Variants in DHRSX observed in about 807,000 individuals in gnomAD.
DHRSX encodes polyprenol dehydrogenase.
DHRSX carries 31 observed loss-of-function variants against 34.0 expected under a neutral mutation model. That is an observed-to-expected ratio of 0.91 (90% CI 0.69 to 1.23). The LOEUF is 1.23. Ranked by LOEUF, DHRSX falls within the 50% of genes most tolerant of loss-of-function variation. The pLI is 0.00. For synonymous variants in DHRSX, 201 were observed against 183.8 expected (o/e 1.09, Z -0.76); for missense variants, 414 against 428.1 (o/e 0.97, Z 0.29).
chrX:2,482,687 A>C lies in DHRSX; in HGVS notation c.109+18130T>G, dbSNP rs745866821. The stretch of plus-strand genomic sequence containing the variant: ...TAAACATAATTCTTAGCTTGTGGAT[A>C]CAGTTTTGGAAGCAATTTAAATTCT... On this transcript the variant is annotated intron_variant, in intron 1 of 6. Transcript: ENST00000334651. Among the ~76,000 whole-genome samples the C allele has an allele frequency of 3.0e-4, 45 of 152,352 alleles. No homozygotes were observed. The South Asian group carries it at 8.7e-3, about 29-fold the overall frequency.
chrX:2,238,889 T>C (rs1243532732), intron 6 of DHRSX, among the ~76,000 whole-genome samples: 1 of 152,020 alleles, frequency 6.6e-6, no homozygotes, highest in Non-Finnish European at 1.5e-5. Flanking sequence ...CCAGCTGATC[T>C]TCCAAGTCTT....
intron 3 of DHRSX, among the ~76,000 whole-genome samples, chrX:2,359,949 G>A (rs1304319789): frequency 6.6e-6 from 1 of 152,086 alleles, no homozygotes; most frequent in Admixed American, 6.6e-5. Flanking sequence ...GACAGGATCA[G>A]GAAAATAACT....
chrX:2,444,659 C>T (rs2044105146), intron 1 of DHRSX, among the ~76,000 whole-genome samples: 1 of 151,918 alleles, frequency 6.6e-6, no homozygotes, highest in Non-Finnish European at 1.5e-5. Context: ...AGTGAGACGC[C>T]ATCTCTACAA....
intron 1 of DHRSX, among the ~76,000 whole-genome samples, chrX:2,457,939 G>C (rs1229765885): frequency 6.6e-6 from 1 of 151,036 alleles, no homozygotes. Flanking sequence ...CCGCCACCAA[G>C]TACAAACTGA....
chrX:2,363,577 T>C lies in DHRSX; in HGVS notation c.286+45168A>G, dbSNP rs12840214. 3.0e-3 allele frequency among the ~76,000 whole-genome samples: 432 copies of C among 144,926 alleles called. 51 individuals carry two copies. In the East Asian group the frequency reaches 0.07, roughly 24 times the overall value. On this transcript the variant is annotated intron_variant, in intron 3 of 6. Coordinates refer to ENST00000334651, the MANE Select transcript of DHRSX (RefSeq NM_145177.3). ...TTATCACTGTTCTATGGTATCATGCTGCCATTTCATCACTGTTCTATGGTA... is the reference window on the plus strand; with the variant it reads ...TTATCACTGTTCTATGGTATCATGCCGCCATTTCATCACTGTTCTATGGTA...
rs1445177339 is a variant in DHRSX at position 2,365,030 on chromosome X, ATCTG to A, written c.286+43711_286+43714del. On this transcript the variant is annotated intron_variant, in intron 3 of 6. Coordinates refer to ENST00000334651, the MANE Select transcript of DHRSX (RefSeq NM_145177.3). ...AACTGGCATATCTATCTATCTATCT[ATCTG>A]TCTGTCATTTCCTCATTTATGAAAT... 1.8e-4 allele frequency among the ~76,000 whole-genome samples: 27 copies of A among 152,056 alleles called. 1 individual carries two copies. The highest frequency in any genetic ancestry group is 1.4e-3 in the Admixed American group (22 of 15,260).
At chrX:2,457,891 CGGCAGGGAATA>C (rs2044330573) in intron 1 of DHRSX, among the ~76,000 whole-genome samples, 1 of 151,666 alleles carries the variant, frequency 6.6e-6, no homozygotes, top group Non-Finnish European at 1.5e-5. Context: ...AGCCAAGAGA[CGGCAGGGAATA>C]TGTTCCGTAA....
At chrX:2,226,774 G>A (rs1306603829) in intron 6 of DHRSX, among the ~76,000 whole-genome samples, 11 of 151,366 alleles carry the variant, frequency 7.3e-5, no homozygotes, top group East Asian at 5.8e-4. Flanking sequence ...CAGCCTGGGC[G>A]ACAGAGCGAG....
chrX:2,335,482 T>C (rs1050108813), intron 3 of DHRSX, among the ~76,000 whole-genome samples: 23 of 151,746 alleles, frequency 1.5e-4, no homozygotes, highest in African/African-American at 5.3e-4. Flanking sequence ...GACAGAGTAT[T>C]GCTCTGGCAC....
intron 3 of DHRSX, among the ~76,000 whole-genome samples, chrX:2,371,737 C>T (rs1332911188): frequency 8.8e-6 from 1 of 113,904 alleles, no homozygotes; most frequent in Non-Finnish European, 2.2e-5. Flanking sequence ...CCCATTATCA[C>T]AGCCCCTCCT....
At chrX:2,269,270 A>G (rs2041517031) in intron 4 of DHRSX, among the ~76,000 whole-genome samples, 1 of 152,198 alleles carries the variant, frequency 6.6e-6, no homozygotes, top group Admixed American at 6.5e-5. Flanking sequence ...TTTTATATCT[A>G]CACACAAATA....
At chrX:2,244,702 T>C (rs1297529418) in intron 5 of DHRSX, among the ~76,000 whole-genome samples, 3 of 150,670 alleles carry the variant, frequency 2.0e-5, no homozygotes, top group African/African-American at 4.9e-5. Context: ...TATATATTTT[T>C]AAATTTTATT....
At position 2,219,650 on chromosome X, in the gene DHRSX, G is replaced by A. The variant is rs2015481959; in HGVS notation, c.*1391C>T. The A allele has an allele frequency of 6.6e-6, 1 of 152,190 alleles. No homozygotes were observed. Among genetic ancestry groups the A allele is most frequent in the Non-Finnish European group, 1.5e-5 (1 of 68,050 alleles). The allele number at this position is 152,190 out of a possible 1,614,324, so 9.4% of individuals were successfully genotyped here. ...TTAGTTTGAACTCCATCCTGGAATTGCAGCTGGTTGTGATTCTAAGGTACA... is the reference window on the plus strand; with the variant it reads ...TTAGTTTGAACTCCATCCTGGAATTACAGCTGGTTGTGATTCTAAGGTACA... On this transcript the variant is annotated 3_prime_UTR_variant, in exon 7 of 7. Coordinates refer to ENST00000334651, the MANE Select transcript of DHRSX (RefSeq NM_145177.3).
rs1414558683 is a variant in DHRSX, at chrX:2,330,070, C to CAGA, written c.287-38468_287-38467insTCT. 1.1e-4 allele frequency among the ~76,000 whole-genome samples: 8 copies of CAGA among 74,830 alleles called. 2 individuals are homozygous for CAGA. Among genetic ancestry groups the CAGA allele is most frequent in the Admixed American group, 2.0e-4 (1 of 4,906 alleles). The allele number at this position is 74,830 out of a possible 152,430, so 49.1% of individuals were successfully genotyped here. Reference sequence around the variant, plus strand: ...AGTGAATGAGAGAGAAGCAGAGAGACGGCGGGGGGGGGGGGGGGGGGGGGA... The same window carrying CAGA: ...AGTGAATGAGAGAGAAGCAGAGAGACAGAGGCGGGGGGGGGGGGGGGGGGGGGA... On this transcript the variant is annotated intron_variant, in intron 3 of 6. Coordinates refer to ENST00000334651, the MANE Select transcript of DHRSX (RefSeq NM_145177.3).
chrX:2,450,447 A>G (rs757374240), intron 1 of DHRSX, among the ~76,000 whole-genome samples: 1 of 152,074 alleles, frequency 6.6e-6, no homozygotes, highest in African/African-American at 2.4e-5. Context: ...TGGCAACAAG[A>G]GCAAAACTCT....
rs541484599 is a variant in DHRSX at position 2,410,203 on chromosome X, C to T, written c.218-1390G>A. On this transcript the variant is annotated intron_variant, in intron 2 of 6. Transcript: ENST00000334651. ...TTTGGCAAATTTTTCCTCCTTCAGC[C>T]TCATCCTTCATTAACCTGTTGGCAA... Among the ~76,000 whole-genome samples the T allele has an allele frequency of 2.6e-4, 40 of 152,320 alleles. No homozygotes were observed. In the South Asian group the frequency reaches 8.1e-3, roughly 31 times the overall value.
At chrX:2,258,773 C>T (rs1448982808) in intron 5 of DHRSX, among the ~76,000 whole-genome samples, 3 of 152,178 alleles carry the variant, frequency 2.0e-5, no homozygotes, top group Admixed American at 6.6e-5. Context: ...GAGTCAGTGC[C>T]GTCAACGAAG....
rs1316421198 is a variant in DHRSX at position 2,304,180 on chromosome X, GATGGATGGATGGATGGATGGATAA to G, written c.287-12601_287-12578del. Among the ~76,000 whole-genome samples, 573 of 116,316 alleles carry G rather than the reference GATGGATGGATGGATGGATGGATAA, an allele frequency of 4.9e-3. 9 individuals carry two copies. Among genetic ancestry groups the G allele is most frequent in the Middle Eastern group, 9.3e-3 (2 of 214 alleles). The allele number at this position is 116,316 out of a possible 152,430, so 76.3% of individuals were successfully genotyped here. A position where few individuals can be genotyped will look rare whatever the true frequency, so the allele number is the denominator to read the frequency against. ...GGATGGATGGATGAACTGATGGATG[GATGGATGGATGGATGGATGGATAA>G]ATGGATGGATGGATGGATGGATGGA... is the stretch of plus-strand genomic sequence containing the variant. On this transcript the variant is annotated intron_variant, in intron 3 of 6. Transcript: ENST00000334651.
chrX:2,285,195 TTATTATTACATTGTAC>T (rs2041790500), intron 4 of DHRSX, among the ~76,000 whole-genome samples: 1 of 152,192 alleles, frequency 6.6e-6, no homozygotes. Flanking sequence ...TTTATTTGTA[TTATTATTACATTGTAC>T]TATATAATGA....
Sources: allele counts gnomAD v4.1 joint callset (sites outside exome capture counted in the v4.1 genomes callset), GRCh38; gene constraint gnomAD v4.1.1; transcripts MANE v1.5; gene names NCBI Gene and HGNC (gene_info 2026-07-23, HGNC 2026-07-21).